KAZN: variants seen among roughly 807,000 people sequenced by gnomAD.
KAZN encodes kazrin.
KAZN carries 40 observed loss-of-function variants against 87.4 expected under a neutral mutation model. The observed-to-expected ratio is 0.46, with a 90% CI of 0.36 to 0.60. The LOEUF is 0.60. Ranked by LOEUF, KAZN falls within the 20% of genes least tolerant of loss-of-function variation. The probability of loss-of-function intolerance (pLI) is 0.00; values close to 1 mark genes in which losing one functional copy is unlikely to be tolerated. For missense variants in KAZN, 898 were observed against 1,073.9 expected (o/e 0.84, Z 2.29); for synonymous variants, 466 against 458.3 (o/e 1.02, Z -0.22).
In KAZN at chr1:14,188,409, C is replaced by A. The variant is rs80352155; in HGVS notation, c.249+7817C>A. Reference sequence around the variant, plus strand: ...AATTTAGGGAATATAACAATTCCAGCTGGTCCCTTGGGAACAGAGGATCCT... The same window carrying A: ...AATTTAGGGAATATAACAATTCCAGATGGTCCCTTGGGAACAGAGGATCCT... On this transcript the variant is annotated intron_variant, in intron 2 of 16. Transcript: ENST00000636203. Among the ~76,000 whole-genome samples, 7 of 152,260 alleles carry A rather than the reference C, an allele frequency of 4.6e-5. No homozygotes were observed. In the East Asian group the frequency reaches 1.4e-3, roughly 29 times the overall value.
chr1:14,534,917 G>A (rs571600885), intron 2 of KAZN, among the ~76,000 whole-genome samples: 2 of 152,180 alleles, frequency 1.3e-5, no homozygotes, highest in South Asian at 4.2e-4. Context: ...ACTCTCCTAA[G>A]CTCCACTGAC....
At position 14,427,161 on chromosome 1, in the gene KAZN, G is replaced by T. The variant is rs183433218; in HGVS notation, c.250-171822G>T. Among the ~76,000 whole-genome samples, 598 of 152,310 alleles carry T rather than the reference G, an allele frequency of 3.9e-3. 5 individuals are homozygous for T. The highest frequency in any genetic ancestry group is 0.014 in the African/African-American group (579 of 41,574). ...AGAGATCAGGAAATGCTTTTCTAAGGAAGGGACATTCAGGGTAGGACCTCA... is the reference window on the plus strand; with the variant it reads ...AGAGATCAGGAAATGCTTTTCTAAGTAAGGGACATTCAGGGTAGGACCTCA... On this transcript the variant is annotated intron_variant, in intron 2 of 16. Transcript: ENST00000636203.
At chr1:14,400,052 A>C (rs183106777) in intron 2 of KAZN, among the ~76,000 whole-genome samples, 1 of 152,224 alleles carries the variant, frequency 6.6e-6, no homozygotes, top group East Asian at 1.9e-4. Context: ...ACTCCTACCC[A>C]AGCATGTAAT....
At chr1:15,088,363 A>G (rs1640366218) in intron 8 of KAZN, among the ~76,000 whole-genome samples, 1 of 152,124 alleles carries the variant, frequency 6.6e-6, no homozygotes, top group Non-Finnish European at 1.5e-5. Flanking sequence ...CAGTAGTACT[A>G]ACATTCTGTG....
intron 11 of KAZN, 121 bp from the exon 12 acceptor site, chr1:15,103,238 G>T: frequency 2.8e-6 from 2 of 712,862 alleles, no homozygotes; most frequent in South Asian, 3.4e-5. Flanking sequence ...CTGCACTCAT[G>T]CCTGGGCAGC....
chr1:15,084,197 T>C (rs1324131691), intron 8 of KAZN, among the ~76,000 whole-genome samples: 2 of 152,202 alleles, frequency 1.3e-5, no homozygotes, highest in African/African-American at 4.8e-5. Context: ...CTGATGACAT[T>C]GGACATCTCC....
intron 2 of KAZN, among the ~76,000 whole-genome samples, chr1:15,023,220 T>G (rs1323070564): frequency 6.6e-6 from 1 of 152,094 alleles, no homozygotes; most frequent in Non-Finnish European, 1.5e-5. Flanking sequence ...CTCAGCAGGT[T>G]ATGGGGTAGG....
At position 15,096,107 on chromosome 1, in the gene KAZN, G is replaced by T. The variant is rs926584077; in HGVS notation, c.1547+1174G>T. On this transcript the variant is annotated intron_variant, in intron 10 of 14. Coordinates refer to ENST00000376030, the MANE Select transcript of KAZN (RefSeq NM_201628.3). The surrounding 1 kb of genome is among the most constrained non-coding windows in gnomAD (Gnocchi z 4.5). ...CCACCTCCTAACCAGTTCCATCCAG[G>T]AATCCCCTAAAGCCATCCCTGAATC... Among the ~76,000 whole-genome samples, 15 of 152,180 alleles carry T rather than the reference G, an allele frequency of 9.9e-5. No individual in the cohort carries two copies. The highest frequency in any genetic ancestry group is 3.4e-4 in the African/African-American group (14 of 41,520).
At chr1:14,956,775 G>A (rs1184931544) in intron 1 of KAZN, among the ~76,000 whole-genome samples, 3 of 152,160 alleles carry the variant, frequency 2.0e-5, no homozygotes, top group Non-Finnish European at 4.4e-5. Flanking sequence ...TTGATCGAGA[G>A]GAGAAAATTC....
rs141393959 is a variant in KAZN at position 14,174,430 on chromosome 1, T to G, written c.92-6005T>G. 6.4e-3 allele frequency among the ~76,000 whole-genome samples: 967 copies of G among 152,274 alleles called. 11 individuals are homozygous for G. Among genetic ancestry groups the G allele is most frequent in the African/African-American group, 0.022 (899 of 41,556 alleles). On this transcript the variant is annotated intron_variant, in intron 1 of 16. Transcript: ENST00000636203. The stretch of plus-strand genomic sequence containing the variant: ...CATTGAAGAGCAGAAGTTTGGGGTC[T>G]TTATGGCTCAGGGTTTAGCCTATCT...
intron 2 of KAZN, among the ~76,000 whole-genome samples, chr1:14,333,878 G>A (rs1657028495): frequency 1.3e-5 from 2 of 152,162 alleles, no homozygotes. Context: ...ACAGAAATGT[G>A]GCTGCCCCTG....
At chr1:14,175,924 A>T (rs1028715895) in intron 1 of KAZN, among the ~76,000 whole-genome samples, 84 of 152,192 alleles carry the variant, frequency 5.5e-4, no homozygotes, top group African/African-American at 1.7e-3. Context: ...GGTTATTTTA[A>T]TGCCCTTGCC....
At chr1:14,444,515 T>C (rs540770190) in intron 2 of KAZN, among the ~76,000 whole-genome samples, 1 of 152,214 alleles carries the variant, frequency 6.6e-6, no homozygotes, top group Non-Finnish European at 1.5e-5. Context: ...TTTCTCCATG[T>C]TGGTCAGGCT....
chr1:14,703,714 C>A (rs929014371), intron 1 of KAZN, among the ~76,000 whole-genome samples: 5 of 152,044 alleles, frequency 3.3e-5, no homozygotes, highest in African/African-American at 1.2e-4. Flanking sequence ...TCTGTCTCTA[C>A]AAAAGCACAA....
intron 1 of KAZN, among the ~76,000 whole-genome samples, chr1:14,826,259 T>G (rs12127407): frequency 6.6e-6 from 1 of 152,218 alleles, no homozygotes; most frequent in Non-Finnish European, 1.5e-5. Context: ...TTTCCCAGCA[T>G]GTGACCAGGA....
At chr1:14,843,722 T>A (rs986279952) in intron 1 of KAZN, among the ~76,000 whole-genome samples, 2 of 152,250 alleles carry the variant, frequency 1.3e-5, no homozygotes, top group African/African-American at 4.8e-5. Flanking sequence ...CTCATCCCAC[T>A]ACCCTGACAG....
At chr1:15,022,313 C>T (rs1670756430) in intron 2 of KAZN, among the ~76,000 whole-genome samples, 1 of 152,154 alleles carries the variant, frequency 6.6e-6, no homozygotes, top group Non-Finnish European at 1.5e-5. Context: ...AGAGTCTGCC[C>T]AGTCCAGCCT....
At position 15,056,717 on chromosome 1, in the gene KAZN, G is replaced by A. The variant is rs1638318192; in HGVS notation, c.916+437G>A. ...AGTCACATGGGCATCCTTTGGCAGG[G>A]GAGGCAGCAGAACTCCTTGATTGAC... On this transcript the variant is annotated intron_variant, in intron 5 of 14. Coordinates refer to ENST00000376030, the MANE Select transcript of KAZN (RefSeq NM_201628.3). The surrounding 1 kb of genome is among the most constrained non-coding windows in gnomAD (Gnocchi z 5.4). Among the ~76,000 whole-genome samples the A allele has an allele frequency of 6.6e-6, 1 of 152,186 alleles. No individual in the cohort carries two copies. The highest frequency in any genetic ancestry group is 1.5e-5 in the Non-Finnish European group (1 of 68,034).
chr1:14,720,848 C>G (rs1156311767), intron 1 of KAZN, among the ~76,000 whole-genome samples: 1 of 152,168 alleles, frequency 6.6e-6, no homozygotes, highest in East Asian at 1.9e-4. Context: ...TCCCGAGTAC[C>G]TGGGACTACT....
Sources: gnomAD v4.1 joint callset for allele counts (sites outside exome capture counted in the v4.1 genomes callset) on GRCh38, gnomAD v4.1.1 for gene constraint, Gnocchi (gnomAD v3.1) non-coding constraint, MANE v1.5 for transcripts, NCBI Gene and HGNC (gene_info 2026-07-23, HGNC 2026-07-21) for gene names.